ATP6V1H: variants seen among roughly 807,000 people sequenced by gnomAD.
ATP6V1H encodes ATPase H+ transporting V1 subunit H.
In ATP6V1H, 39 loss-of-function variants were observed where a neutral mutation model predicts 71.7. The observed-to-expected ratio is 0.54, with a 90% CI of 0.42 to 0.71. The LOEUF (loss-of-function observed/expected upper bound fraction) is 0.71, where lower values mean the gene tolerates loss of function less well. Ranked by LOEUF, ATP6V1H falls within the 30% of genes least tolerant of loss-of-function variation. The pLI is 0.00. For missense variants in ATP6V1H, 509 were observed against 594.9 expected, an observed-to-expected ratio of 0.86 and a Z score of 1.50; for synonymous variants, 192 against 199.3, an observed-to-expected ratio of 0.96 and a Z score of 0.31.
At chr8:53,820,889 G>T (rs1415461978) in intron 4 of ATP6V1H, among the ~76,000 whole-genome samples, 1 of 151,436 alleles carries the variant, frequency 6.6e-6, no homozygotes, top group East Asian at 1.9e-4. Flanking sequence ...GCTGAGGCAG[G>T]AGGATTGCTT....
chr8:53,730,788 G>A (rs965987517), intron 13 of ATP6V1H, among the ~76,000 whole-genome samples: 1 of 152,098 alleles, frequency 6.6e-6, no homozygotes, highest in African/African-American at 2.4e-5. Context: ...AAAGACTCAT[G>A]AGAACATTTT....
At chr8:53,788,756 G>A (rs944643038) in intron 9 of ATP6V1H, among the ~76,000 whole-genome samples, 1 of 152,172 alleles carries the variant, frequency 6.6e-6, no homozygotes, top group Non-Finnish European at 1.5e-5. Flanking sequence ...AGAGACTCTT[G>A]TCTATCCTTC....
Position 53,798,752 on chromosome 8 carries a change from T to C in ATP6V1H, c.678-2913A>G, listed in dbSNP as rs909729182. ...ATACTTTCAGCAAGTTATTATACTT[T>C]TATTAATGCCCATTTCTCCACCTAA... On this transcript the variant is annotated intron_variant, in intron 8 of 13. Coordinates refer to ENST00000359530, the MANE Select transcript of ATP6V1H (RefSeq NM_015941.4). Among the ~76,000 whole-genome samples, 12 of 152,218 alleles carry C rather than the reference T, an allele frequency of 7.9e-5. No individual in the cohort carries two copies. In the South Asian group the frequency reaches 1.2e-3, roughly 16 times the overall value.
chr8:53,799,451 G>C (rs1269635912), intron 8 of ATP6V1H, among the ~76,000 whole-genome samples: 15 of 152,094 alleles, frequency 9.9e-5, no homozygotes, highest in Non-Finnish European at 1.5e-5. Context: ...CACCATTTTT[G>C]TAGTTCACCT....
At chr8:53,750,574 G>A (rs143640395) in intron 12 of ATP6V1H, among the ~76,000 whole-genome samples, 12 of 152,246 alleles carry the variant, frequency 7.9e-5, no homozygotes, top group African/African-American at 2.9e-4. Context: ...ATCTAAAAAT[G>A]TATCAGTGGA....
intron 4 of ATP6V1H, among the ~76,000 whole-genome samples, chr8:53,824,107 T>G (rs1180038781): frequency 6.6e-6 from 1 of 151,960 alleles, no homozygotes; most frequent in Non-Finnish European, 1.5e-5. Context: ...TAGTCTTCTA[T>G]GAAAGTAAAT....
chr8:53,787,473 T>C (rs184527291), intron 9 of ATP6V1H, among the ~76,000 whole-genome samples: 109 of 152,368 alleles, frequency 7.2e-4, no homozygotes, highest in Admixed American at 1.3e-3. Context: ...CTAGTGAGTA[T>C]ACATGTGTAG....
chr8:53,827,546 CA>C (rs927300615), intron 4 of ATP6V1H, among the ~76,000 whole-genome samples: 1 of 151,872 alleles, frequency 6.6e-6, no homozygotes, highest in Non-Finnish European at 1.5e-5. Context: ...GAGTTTAAAA[CA>C]AAAAACTGCA....
intron 9 of ATP6V1H, among the ~76,000 whole-genome samples, chr8:53,780,423 AAAG>A (rs1809066855): frequency 6.6e-6 from 1 of 152,210 alleles, no homozygotes; most frequent in South Asian, 2.1e-4. Context: ...TAAAAAATGA[AAAG>A]AAGGAATGAA....
intron 9 of ATP6V1H, among the ~76,000 whole-genome samples, chr8:53,783,296 A>T (rs1809237627): frequency 6.6e-6 from 1 of 151,824 alleles, no homozygotes; most frequent in African/African-American, 2.4e-5. Context: ...TAGGAATTTA[A>T]CCATTTCTTC....
At chr8:53,732,410 G>A (rs1258117464) in intron 13 of ATP6V1H, among the ~76,000 whole-genome samples, 1 of 152,146 alleles carries the variant, frequency 6.6e-6, no homozygotes, top group Non-Finnish European at 1.5e-5. Context: ...AGGTTGTGCA[G>A]GGGATTACAG....
chr8:53,831,478 G>A (rs1468695354), intron 3 of ATP6V1H, among the ~76,000 whole-genome samples: 1 of 152,234 alleles, frequency 6.6e-6, no homozygotes, highest in East Asian at 1.9e-4. Flanking sequence ...TGTAGTCAGT[G>A]CATGACAGTA....
At chr8:53,778,631 C>T (rs1216541455) in intron 9 of ATP6V1H, among the ~76,000 whole-genome samples, 1 of 151,370 alleles carries the variant, frequency 6.6e-6, no homozygotes, top group Admixed American at 6.6e-5. Flanking sequence ...TGCACTTAAC[C>T]CAAGAGAAAG....
intron 13 of ATP6V1H, 29 bp downstream of exon 13, chr8:53,743,548 A>G (rs2130186053): frequency 2.0e-6 from 3 of 1,521,348 alleles, no homozygotes; most frequent in Non-Finnish European, 2.7e-6. Flanking sequence ...AGACTAATGT[A>G]CAAGTGTGAG....
At chr8:53,782,255 A>C (rs2130366022) in intron 9 of ATP6V1H, among the ~76,000 whole-genome samples, 1 of 152,116 alleles carries the variant, frequency 6.6e-6, no homozygotes, top group South Asian at 2.1e-4. Context: ...GAGGTCCTTC[A>C]CATCCCTTGT....
chr8:53,782,674 G>A (rs990565492), intron 9 of ATP6V1H, among the ~76,000 whole-genome samples: 11 of 152,100 alleles, frequency 7.2e-5, no homozygotes, highest in Non-Finnish European at 1.3e-4. Context: ...TATTGGCTGT[G>A]GGTTTCTCAT....
intron 2 of ATP6V1H, among the ~76,000 whole-genome samples, chr8:53,838,716 G>A (rs554842832): frequency 6.6e-6 from 1 of 152,142 alleles, no homozygotes; most frequent in South Asian, 2.1e-4. Flanking sequence ...ATTTATGTAT[G>A]TCTATTTATT....
At chr8:53,765,169 T>G (rs537690907) in intron 11 of ATP6V1H, among the ~76,000 whole-genome samples, 47 of 151,992 alleles carry the variant, frequency 3.1e-4, no homozygotes, top group African/African-American at 1.1e-3. Flanking sequence ...TTTGGGAGGC[T>G]GAGGTGGGCA....
At chr8:53,782,689 A>G (rs1362269501) in intron 9 of ATP6V1H, among the ~76,000 whole-genome samples, 1 of 152,120 alleles carries the variant, frequency 6.6e-6, no homozygotes, top group East Asian at 1.9e-4. Context: ...TCTCATAGAT[A>G]GCTCTTAGTA....
Sources: gnomAD v4.1 joint callset for allele counts (sites outside exome capture counted in the v4.1 genomes callset) on GRCh38, gnomAD v4.1.1 for gene constraint, MANE v1.5 for transcripts, NCBI Gene and HGNC (gene_info 2026-07-23, HGNC 2026-07-21) for gene names.